Variants in SLC25A51 observed in about 807,000 individuals in gnomAD.
SLC25A51 encodes mitochondrial nicotinamide adenine dinucleotide transporter SLC25A51.
A neutral mutation model predicts 19.1 loss-of-function variants in SLC25A51; 11 were observed. The observed-to-expected ratio is 0.58, with a 90% confidence interval of 0.36 to 0.96. The LOEUF is 0.96. Ranked by LOEUF, SLC25A51 falls within the 40% of genes least tolerant of loss-of-function variation. SLC25A51 has a pLI of 0.01. For missense variants in SLC25A51, 201 were observed against 365.4 expected, an observed-to-expected ratio of 0.55 and a Z score of 3.67; for synonymous variants, 105 against 133.6, an observed-to-expected ratio of 0.79 and a Z score of 1.47.
chr9:37,903,029 A>T (rs537159271), intron 1 of SLC25A51, among the ~76,000 whole-genome samples: 2 of 152,342 alleles, frequency 1.3e-5, no homozygotes, highest in African/African-American at 2.4e-5. Flanking sequence ...ATCTGATTTT[A>T]AAATCCACTG....
chr9:37,877,598 C>T (rs997807537), downstream of SLC25A51, among the ~76,000 whole-genome samples: 2 of 137,306 alleles, frequency 1.5e-5, no homozygotes, highest in Non-Finnish European at 3.1e-5. Flanking sequence ...ACTATATTGC[C>T]TAGGCTGGAC....
downstream of SLC25A51, chr9:37,879,061 G>T: frequency 2.8e-6 from 1 of 353,296 alleles, no homozygotes; most frequent in South Asian, 2.6e-5. Context: ...TTCTACTTCT[G>T]ATCTTAATCA....
At chr9:37,892,890 C>T (rs1021494855) in intron 2 of SLC25A51, among the ~76,000 whole-genome samples, 6 of 152,166 alleles carry the variant, frequency 3.9e-5, no homozygotes, top group Non-Finnish European at 7.3e-5. Context: ...CAAGTGCGCA[C>T]CACCATGCCC....
chr9:37,893,437 G>C (rs1285884130), intron 2 of SLC25A51, among the ~76,000 whole-genome samples: 1 of 152,152 alleles, frequency 6.6e-6, no homozygotes, highest in Admixed American at 6.5e-5. Context: ...CCCTAAGGAA[G>C]GTAATACAAG....
At chr9:37,883,491 T>A (rs1459815545), downstream of SLC25A51, among the ~76,000 whole-genome samples, 1 of 152,258 alleles carries the variant, frequency 6.6e-6, no homozygotes, top group African/African-American at 2.4e-5. Context: ...AGCTTGTATT[T>A]CACAAAAGTG....
Position 37,888,052 on chromosome 9 carries a change from G to A in SLC25A51, c.499C>T (p.His167Tyr). 1.2e-6 allele frequency: 2 copies of A among 1,613,594 alleles called. No homozygotes were observed. Among genetic ancestry groups the A allele is most frequent in the African/African-American group, 2.7e-5 (2 of 75,024 alleles). ...CCTCGATAATACTCTCCAATTCCAT[G>A]ACATTTCAGTGCCTTGAAAGCCTGG... is the stretch of plus-strand genomic sequence containing the variant. ...TYQAFKALKCHGIGEYYRGLV... is the reference protein window; with the variant it reads ...TYQAFKALKCYGIGEYYRGLV... The change falls in exon 3 of 3, where the codon CAT becomes TAT. Residue 167 changes from histidine to tyrosine, a missense_variant. Transcript: ENST00000242275.
At chr9:37,887,440 G>A (rs1449008034), downstream of SLC25A51, among the ~76,000 whole-genome samples, 2 of 152,088 alleles carry the variant, frequency 1.3e-5, no homozygotes, top group Non-Finnish European at 2.9e-5. Context: ...GATTGAGAAG[G>A]GGTGAATAGA....
intron 2 of SLC25A51, among the ~76,000 whole-genome samples, chr9:37,891,895 C>A (rs1587163327): frequency 2.6e-5 from 3 of 113,596 alleles, no homozygotes; most frequent in Non-Finnish European, 3.6e-5. Context: ...CACACAACTA[C>A]TTTAAAAAAA....
intron 2 of SLC25A51, among the ~76,000 whole-genome samples, chr9:37,895,184 G>A (rs771309753): frequency 1.3e-4 from 20 of 151,846 alleles, no homozygotes; most frequent in African/African-American, 3.9e-4. Flanking sequence ...CTTATACCAT[G>A]TGAATTGTTT....
downstream of SLC25A51, chr9:37,885,925 T>A (rs907121226): frequency 1.2e-6 from 2 of 1,607,626 alleles, no homozygotes; most frequent in Non-Finnish European, 1.7e-6. Flanking sequence ...AGTACTTCAA[T>A]GATAAAACCA....
downstream of SLC25A51, chr9:37,885,632 C>A: frequency 1.2e-6 from 1 of 821,208 alleles, no homozygotes; most frequent in Non-Finnish European, 2.2e-6. Context: ...CGGCGCCCAA[C>A]GTGGGCCTCA....
downstream of SLC25A51, among the ~76,000 whole-genome samples, chr9:37,887,416 C>T (rs951232852): frequency 1.3e-5 from 2 of 151,940 alleles, no homozygotes; most frequent in African/African-American, 4.8e-5. Context: ...TTGAACAACC[C>T]CCTATTTTGT....
At chr9:37,903,114 C>T (rs1053758290) in intron 1 of SLC25A51, among the ~76,000 whole-genome samples, 1 of 152,200 alleles carries the variant, frequency 6.6e-6, no homozygotes, top group African/African-American at 2.4e-5. Context: ...CTGAGATGCG[C>T]TAAGGGTGAT....
chr9:37,880,737 G>A (rs768118606), exon 4 of SLC25A51: 2 of 152,198 alleles, frequency 1.3e-5, no homozygotes, highest in African/African-American at 2.4e-5. Flanking sequence ...TCACAAGAGC[G>A]AAACCCCGTC....
At chr9:37,896,980 C>T (rs1311312070) in intron 2 of SLC25A51, among the ~76,000 whole-genome samples, 1 of 152,112 alleles carries the variant, frequency 6.6e-6, no homozygotes, top group East Asian at 1.9e-4. Flanking sequence ...AGGCCCCGTA[C>T]AGCAGGAGGT....
downstream of SLC25A51, among the ~76,000 whole-genome samples, chr9:37,883,509 A>T (rs1296709720): frequency 6.6e-6 from 1 of 152,264 alleles, no homozygotes; most frequent in Non-Finnish European, 1.5e-5. Context: ...GTGCTTTAGA[A>T]CTCAGATTTC....
At chr9:37,903,569 G>C (rs2118393431) in intron 1 of SLC25A51, 1 of 152,408 alleles carries the variant, frequency 6.6e-6, no homozygotes, top group South Asian at 2.1e-4. Context: ...TGTGAAAGGC[G>C]GGGAGGGGGT....
chr9:37,891,913 A>G (rs1831599832), intron 2 of SLC25A51, among the ~76,000 whole-genome samples: 1 of 149,682 alleles, frequency 6.7e-6, no homozygotes, highest in Non-Finnish European at 1.5e-5. Flanking sequence ...AAAAAAAAAA[A>G]AAGATTCAGC....
At chr9:37,885,715 C>T (rs1831439762), downstream of SLC25A51, 2 of 1,413,864 alleles carry the variant, frequency 1.4e-6, no homozygotes, top group Admixed American at 1.7e-5. Flanking sequence ...TTTCTCAGTG[C>T]CATTGTGATG....
Sources: gnomAD v4.1 joint callset for allele counts (sites outside exome capture counted in the v4.1 genomes callset) on GRCh38, gnomAD v4.1.1 for gene constraint, MANE v1.5 for transcripts, NCBI Gene and HGNC (gene_info 2026-07-23, HGNC 2026-07-21) for gene names.